STAM2: variants seen among roughly 807,000 people sequenced by gnomAD.
The protein encoded by STAM2 is signal transducing adaptor molecule 2.
In STAM2, 51 loss-of-function variants were observed where a neutral mutation model predicts 65.6. The observed-to-expected ratio is 0.78, with a 90% confidence interval of 0.62 to 0.98. STAM2 has a LOEUF of 0.98. Among genes scored for constraint, STAM2 ranks in the 50% least tolerant of loss-of-function variants. STAM2 has a pLI of 0.00. For missense variants in STAM2, 584 were observed against 617.8 expected, an observed-to-expected ratio of 0.95 and a Z score of 0.58; for synonymous variants, 198 against 208.4, an observed-to-expected ratio of 0.95 and a Z score of 0.43.
chr2:152,129,703 T>A (rs542361946), intron 11 of STAM2, among the ~76,000 whole-genome samples: 493 of 152,318 alleles, frequency 3.2e-3, no homozygotes, highest in Non-Finnish European at 5.4e-3. Flanking sequence ...TTAAAAAAAA[T>A]TGTGTCTGAA....
intron 13 of STAM2, among the ~76,000 whole-genome samples, chr2:152,123,194 A>AC (rs1407503117): frequency 6.6e-6 from 1 of 151,766 alleles, no homozygotes; most frequent in Non-Finnish European, 1.5e-5. Flanking sequence ...ATATGCTGAA[A>AC]CCCCGTCTCT....
In STAM2 at chr2:152,117,818, C is replaced by T. The variant is rs532724095; in HGVS notation, c.*2756G>A. 9 of 152,166 alleles carry T rather than the reference C, an allele frequency of 5.9e-5. No homozygotes were observed. The South Asian group carries it at 1.9e-3, about 32-fold the overall frequency. The allele number at this position is 152,166 out of a possible 1,614,324, so 9.4% of individuals were successfully genotyped here. A position where few individuals can be genotyped will look rare whatever the true frequency, so the allele number is the denominator to read the frequency against. ...ATTTTGAAAGTGAAATTATAACCATCTTCAAAACATACAGTAAAATGTATT... is the reference window on the plus strand; with the variant it reads ...ATTTTGAAAGTGAAATTATAACCATTTTCAAAACATACAGTAAAATGTATT... On this transcript the variant is annotated 3_prime_UTR_variant, in exon 14 of 14. Coordinates refer to ENST00000263904, the MANE Select transcript of STAM2 (RefSeq NM_005843.6).
intron 1 of STAM2, among the ~76,000 whole-genome samples, chr2:152,159,876 GC>G (rs1689628623): frequency 6.6e-6 from 1 of 152,110 alleles, no homozygotes; most frequent in South Asian, 2.1e-4. Flanking sequence ...TTGCAGGCGC[GC>G]GCCGCCACGC....
At chr2:152,152,314 C>G (rs1306164026) in intron 1 of STAM2, among the ~76,000 whole-genome samples, 1 of 151,914 alleles carries the variant, frequency 6.6e-6, no homozygotes, top group Non-Finnish European at 1.5e-5. Context: ...CTTTGGGAGG[C>G]CGAGGTGGGC....
intron 2 of STAM2, among the ~76,000 whole-genome samples, chr2:152,148,684 A>C (rs1272408192): frequency 6.6e-6 from 1 of 152,210 alleles, no homozygotes; most frequent in Admixed American, 6.5e-5. Flanking sequence ...TAAAATAAAA[A>C]TAAACTAAAC....
intron 1 of STAM2, among the ~76,000 whole-genome samples, chr2:152,163,984 C>T (rs1479518710): frequency 1.3e-5 from 2 of 152,146 alleles, no homozygotes; most frequent in South Asian, 2.1e-4. Context: ...TCTAATTCTG[C>T]CCTTTGCCTT....
Position 152,119,443 on chromosome 2 carries a change from A to G in STAM2, c.*1131T>C, listed in dbSNP as rs561959867. On this transcript the variant is annotated 3_prime_UTR_variant, in exon 14 of 14. Transcript: ENST00000263904. ...GAATTACTTCTGAAAGAAATGGTCA[A>G]TTTTTTCAACAGCTTGGTATGTTGA... 2 of 152,158 alleles carry G rather than the reference A, an allele frequency of 1.3e-5. No individual in the cohort carries two copies. The highest frequency in any genetic ancestry group is 2.1e-4 in the South Asian group (1 of 4,834). The allele number at this position is 152,158 out of a possible 1,614,324, so 9.4% of individuals were successfully genotyped here. A position where few individuals can be genotyped will look rare whatever the true frequency, so the allele number is the denominator to read the frequency against.
chr2:152,161,506 A>C (rs958033740), intron 1 of STAM2, among the ~76,000 whole-genome samples: 3 of 151,542 alleles, frequency 2.0e-5, no homozygotes, highest in Non-Finnish European at 2.9e-5. Context: ...AAAAAAAAAA[A>C]AAAAAAAAAA....
Position 152,148,106 on chromosome 2 carries a change from A to T in STAM2, c.218T>A (p.Val73Glu). Reference protein sequence around the residue: ...LQALTLLGACVANCGKIFHLE... With the variant: ...LQALTLLGACEANCGKIFHLE... Reference sequence around the variant, plus strand: ...ATGAAATATCTTTCCACAGTTTGCCACACAAGCCCCAAGAAGCTATTAATT... The same window carrying T: ...ATGAAATATCTTTCCACAGTTTGCCTCACAAGCCCCAAGAAGCTATTAATT... The change falls in exon 4 of 14, where the codon GTG becomes GAG. Residue 73 changes from valine to glutamate, a missense_variant. By Grantham distance (121) the Val-to-Glu change is moderately radical (BLOSUM62 -2). Transcript: ENST00000263904. 6.2e-7 allele frequency: 1 copy of T among 1,609,656 alleles called. No individual in the cohort carries two copies. Among genetic ancestry groups the T allele is most frequent in the Non-Finnish European group, 8.5e-7 (1 of 1,177,984 alleles).
At chr2:152,159,659 G>A (rs1689622260) in intron 1 of STAM2, among the ~76,000 whole-genome samples, 1 of 152,092 alleles carries the variant, frequency 6.6e-6, no homozygotes, top group Non-Finnish European at 1.5e-5. Flanking sequence ...TTTCCCATTG[G>A]AAAAGTATGG....
At chr2:152,153,457 G>A (rs1038191179) in intron 1 of STAM2, among the ~76,000 whole-genome samples, 30 of 151,776 alleles carry the variant, frequency 2.0e-4, no homozygotes, top group Admixed American at 2.0e-3. Context: ...TGAGTAAAGA[G>A]AAACACACCA....
intron 1 of STAM2, among the ~76,000 whole-genome samples, chr2:152,151,178 CTT>C (rs1159526368): frequency 6.6e-5 from 8 of 121,174 alleles, no homozygotes; most frequent in African/African-American, 1.5e-4. Flanking sequence ...TACATGAGTT[CTT>C]TTTTTTTTTT....
At position 152,120,659 on chromosome 2, in the gene STAM2, G is replaced by C; in HGVS notation, c.1493C>G (p.Pro498Arg). 6.2e-7 allele frequency: 1 copy of C among 1,614,132 alleles called. No individual in the cohort carries two copies. Among genetic ancestry groups the C allele is most frequent in the Non-Finnish European group, 8.5e-7 (1 of 1,180,024 alleles). The change falls in exon 14 of 14, where the codon CCT becomes CGT. Residue 498 changes from proline to arginine, a missense_variant. Transcript: ENST00000263904. The part of the protein sequence containing the change: ...SSYQNTTSNL[P>R]QLAGFPVTVP... ...TGTCACCGGAAAGCCTGCCAGTTGA[G>C]GCAAATTGGAAGTAGTGTTCTGATA...
At chr2:152,124,869 T>C (rs7603232) in intron 12 of STAM2, among the ~76,000 whole-genome samples, 92,796 of 152,050 alleles carry the variant, frequency 0.61, 29,916 homozygotes, top group East Asian at 0.87. Flanking sequence ...CTACACAATA[T>C]AACTAATGTG....
intron 1 of STAM2, among the ~76,000 whole-genome samples, chr2:152,172,760 A>G (rs1689918923): frequency 6.6e-6 from 1 of 151,488 alleles, no homozygotes; most frequent in Non-Finnish European, 1.5e-5. Context: ...AGTCCTAGCT[A>G]CTCGGGAGGC....
rs1280259507 is a variant in STAM2, at chr2:152,175,540, A to T, written c.40+63T>A. ...CCGGAGTCGCTACCGCCCACTTTCT[A>T]GCCGGACAAACAGCAGTCCAGGGCC... On this transcript the variant is annotated intron_variant, in intron 1 of 13. Coordinates refer to ENST00000263904, the MANE Select transcript of STAM2 (RefSeq NM_005843.6). The T allele has an allele frequency of 5.0e-6, 8 of 1,605,096 alleles. No homozygotes were observed. The African/African-American group carries it at 6.7e-5, about 13-fold the overall frequency.
In STAM2 at chr2:152,123,800, C is replaced by A; in HGVS notation, c.1315G>T (p.Val439Leu). The A allele has an allele frequency of 6.2e-7, 1 of 1,614,146 alleles. No individual in the cohort carries two copies. Among genetic ancestry groups the A allele is most frequent in the Non-Finnish European group, 8.5e-7 (1 of 1,180,040 alleles). ...RSLPPNVNSS[V>L]TAQPAQTSYL... Reference sequence around the variant, plus strand: ...GAAGTTTGAGCAGGCTGTGCTGTCACTGAGGAATTCACATTTGGAGGCAGA... The same window carrying A: ...GAAGTTTGAGCAGGCTGTGCTGTCAATGAGGAATTCACATTTGGAGGCAGA... The change falls in exon 13 of 14, where the codon GTG becomes TTG. Residue 439 changes from valine (V) to leucine (L), a missense_variant. Val to Leu is a conservative substitution (Grantham distance 32). Transcript: ENST00000263904.
intron 11 of STAM2, among the ~76,000 whole-genome samples, chr2:152,130,944 C>T (rs1330891802): frequency 3.4e-5 from 5 of 147,750 alleles, no homozygotes; most frequent in Admixed American, 6.8e-5. Flanking sequence ...TGCAGTGAGC[C>T]GAGATCGCAC....
rs781321311 is a variant in STAM2 at position 152,175,673 on chromosome 2, G to A, written c.-31C>T. ...CGGCGCCCGAGCCCTAGTCGCTGCTGTCTAGCTGACACTCAGCAACTGCTA... is the reference window on the plus strand; with the variant it reads ...CGGCGCCCGAGCCCTAGTCGCTGCTATCTAGCTGACACTCAGCAACTGCTA... On this transcript the variant is annotated 5_prime_UTR_variant, in exon 1 of 14. Transcript: ENST00000263904. 7 of 1,599,960 alleles carry A rather than the reference G, an allele frequency of 4.4e-6. No individual in the cohort carries two copies. The South Asian group carries it at 5.6e-5, about 13-fold the overall frequency.
Sources: gnomAD v4.1 joint callset for allele counts (sites outside exome capture counted in the v4.1 genomes callset) on GRCh38, gnomAD v4.1.1 for gene constraint, MANE v1.5 for transcripts, NCBI Gene and HGNC (gene_info 2026-07-23, HGNC 2026-07-21) for gene names.